Variants in KCNK2 observed in about 807,000 individuals in gnomAD.
The protein encoded by KCNK2 is potassium two pore domain channel subfamily K member 2.
Under a neutral mutation model 40.5 loss-of-function variants are expected in KCNK2, and 21 were observed. That is an observed-to-expected ratio of 0.52 (90% confidence interval 0.37 to 0.75). KCNK2 has a LOEUF of 0.75. KCNK2 is among the 30% of genes least tolerant of loss of function. The pLI is 0.00. For missense variants in KCNK2, 399 were observed against 531.6 expected (o/e 0.75, Z 2.45); for synonymous variants, 191 against 202.2 (o/e 0.94, Z 0.47).
intron 5 of KCNK2, among the ~76,000 whole-genome samples, chr1:215,189,049 G>T (rs542733353): frequency 1.3e-5 from 2 of 152,218 alleles, no homozygotes; most frequent in South Asian, 4.1e-4. Flanking sequence ...CCTGCTATTT[G>T]CTCTGTTTTA....
chr1:215,147,541 A>G lies in KCNK2; in HGVS notation c.476-21658A>G, dbSNP rs78743468. Among the ~76,000 whole-genome samples the G allele has an allele frequency of 5.5e-3, 842 of 152,308 alleles. 12 individuals are homozygous for G. The highest frequency in any genetic ancestry group is 0.019 in the African/African-American group (800 of 41,578). On this transcript the variant is annotated intron_variant, in intron 3 of 6. Transcript: ENST00000444842. Reference sequence around the variant, plus strand: ...AGCTTTGACTCACTTTTCTAAAAACACGAGATGTGGCCTGGCGCAGTGGCT... The same window carrying G: ...AGCTTTGACTCACTTTTCTAAAAACGCGAGATGTGGCCTGGCGCAGTGGCT...
intron 1 of KCNK2, among the ~76,000 whole-genome samples, chr1:215,076,632 A>G (rs1339867517): frequency 3.3e-5 from 5 of 152,148 alleles, no homozygotes; most frequent in Admixed American, 3.3e-4. Context: ...GAAACCCCAG[A>G]CTGTTTGTAA....
At chr1:215,057,199 AT>A (rs59891592) in intron 1 of KCNK2, among the ~76,000 whole-genome samples, 43,164 of 142,614 alleles carry the variant, frequency 0.3, 6,775 homozygotes, top group South Asian at 0.61. Context: ...AGGTACAAGT[AT>A]TTTTTTTTTT....
At chr1:215,130,898 T>C (rs1488795401) in intron 3 of KCNK2, among the ~76,000 whole-genome samples, 3 of 152,028 alleles carry the variant, frequency 2.0e-5, no homozygotes, top group South Asian at 2.1e-4. Context: ...TCCCGCTCTT[T>C]AGCCTAGGCC....
intron 6 of KCNK2, among the ~76,000 whole-genome samples, chr1:215,229,212 T>C (rs1301994297): frequency 6.6e-6 from 1 of 151,642 alleles, no homozygotes; most frequent in African/African-American, 2.4e-5. Context: ...TTTTTCTTTT[T>C]TTTTTTTTTT....
At chr1:215,116,867 G>A (rs1660967215) in intron 2 of KCNK2, among the ~76,000 whole-genome samples, 1 of 151,690 alleles carries the variant, frequency 6.6e-6, no homozygotes, top group Admixed American at 6.6e-5. Context: ...GCTGGGGGGG[G>A]AACCTTGAAA....
intron 1 of KCNK2, among the ~76,000 whole-genome samples, chr1:215,015,957 T>C (rs1656571885): frequency 6.6e-6 from 1 of 152,130 alleles, no homozygotes; most frequent in Non-Finnish European, 1.5e-5. Context: ...GCTAAAGTGG[T>C]TTCAGATCAG....
chr1:215,077,110 TA>T (rs1000974109), intron 1 of KCNK2, among the ~76,000 whole-genome samples: 2 of 152,194 alleles, frequency 1.3e-5, no homozygotes, highest in African/African-American at 4.8e-5. Context: ...GAGTGTGTCA[TA>T]GGCCCATGCC....
chr1:215,043,730 C>T (rs570176404), intron 1 of KCNK2, among the ~76,000 whole-genome samples: 1 of 152,234 alleles, frequency 6.6e-6, no homozygotes, highest in African/African-American at 2.4e-5. Context: ...TAGATGCTTG[C>T]ACAACCATCT....
At chr1:215,221,490 A>G (rs1162765062) in intron 6 of KCNK2, among the ~76,000 whole-genome samples, 1 of 152,252 alleles carries the variant, frequency 6.6e-6, no homozygotes, top group Non-Finnish European at 1.5e-5. Flanking sequence ...ATTATTATGT[A>G]CTATATTCTT....
In KCNK2 at chr1:215,083,303, A is replaced by G. The variant is rs201512454; in HGVS notation, c.-83A>G. On this transcript the variant is annotated 5_prime_UTR_variant, in exon 1 of 7. The change creates a new upstream start codon in the 5' untranslated region. Coordinates refer to ENST00000444842, the MANE Select transcript of KCNK2 (RefSeq NM_001017425.3). Reference sequence around the variant, plus strand: ...CGGAGCGCGCAGCCCGTCTCTGAATAAGAAGTGAGTACAATGGCGTGTTTG... The same window carrying G: ...CGGAGCGCGCAGCCCGTCTCTGAATGAGAAGTGAGTACAATGGCGTGTTTG... The G allele has an allele frequency of 2.5e-6, 4 of 1,613,294 alleles. No homozygotes were observed. Among genetic ancestry groups the G allele is most frequent in the Middle Eastern group, 3.3e-4 (2 of 6,062 alleles).
chr1:215,203,494 A>G (rs1487071292), intron 6 of KCNK2, among the ~76,000 whole-genome samples: 1 of 152,038 alleles, frequency 6.6e-6, no homozygotes, highest in African/African-American at 2.4e-5. Flanking sequence ...ATTAATATCA[A>G]ATTATCTCAA....
intron 1 of KCNK2, among the ~76,000 whole-genome samples, chr1:215,066,656 T>C (rs959815951): frequency 2.6e-5 from 4 of 152,160 alleles, no homozygotes; most frequent in African/African-American, 9.7e-5. Flanking sequence ...TTTGCTTCCA[T>C]GCAATAGTCA....
chr1:215,108,022 C>T (rs1333921413), intron 2 of KCNK2, among the ~76,000 whole-genome samples: 3 of 152,056 alleles, frequency 2.0e-5, no homozygotes, highest in Non-Finnish European at 4.4e-5. Context: ...TAGGATGAAA[C>T]GATTCCACCT....
intron 3 of KCNK2, among the ~76,000 whole-genome samples, chr1:215,149,985 T>C (rs558949609): frequency 6.6e-6 from 1 of 152,180 alleles, no homozygotes; most frequent in Non-Finnish European, 1.5e-5. Flanking sequence ...CCAGTGGGAA[T>C]ACCAGGGCTA....
At chr1:215,108,727 T>C (rs1446143206) in intron 2 of KCNK2, among the ~76,000 whole-genome samples, 2 of 128,632 alleles carry the variant, frequency 1.6e-5, no homozygotes, top group African/African-American at 5.9e-5. Context: ...AGCAGACAGC[T>C]CAAACAGTCA....
intron 3 of KCNK2, among the ~76,000 whole-genome samples, chr1:215,130,567 C>T (rs993213724): frequency 5.3e-5 from 8 of 152,216 alleles, no homozygotes; most frequent in African/African-American, 1.4e-4. Context: ...GACTTGGAAG[C>T]TGTCCTGTGG....
chr1:215,040,314 C>T (rs61818261), intron 1 of KCNK2, among the ~76,000 whole-genome samples: 1,624 of 152,178 alleles, frequency 0.011, 27 homozygotes, highest in South Asian at 0.074. Flanking sequence ...CTATTGTTTC[C>T]ACTTTACAGA....
At chr1:215,122,740 C>CTTTTTTTTT (rs564207038) in intron 2 of KCNK2, among the ~76,000 whole-genome samples, 1 of 120,364 alleles carries the variant, frequency 8.3e-6, no homozygotes, top group Non-Finnish European at 1.7e-5. Context: ...CATTCATAAT[C>CTTTTTTTTT]TTTTTTTTTT....
Sources: allele counts gnomAD v4.1 joint callset (sites outside exome capture counted in the v4.1 genomes callset), GRCh38; gene constraint gnomAD v4.1.1; transcripts MANE v1.5; gene names NCBI Gene and HGNC (gene_info 2026-07-23, HGNC 2026-07-21).